The following ITGA11 variants were observed in gnomAD, a reference collection of about 807,000 sequenced individuals.
The protein encoded by ITGA11 is integrin alpha-11.
In ITGA11, 97 loss-of-function variants were observed where a neutral mutation model predicts 141.9. That is an observed-to-expected ratio of 0.68 (90% CI 0.58 to 0.81). The LOEUF (loss-of-function observed/expected upper bound fraction) is 0.81. Among genes scored for constraint, ITGA11 ranks in the 30% least tolerant of loss-of-function variants. The probability of loss-of-function intolerance (pLI) is 0.00; values close to 1 mark genes in which losing one functional copy is unlikely to be tolerated. For synonymous variants in ITGA11, 658 were observed against 624.6 expected (o/e 1.05, Z -0.80); for missense variants, 1,387 against 1,559.2 (o/e 0.89, Z 1.86).
chr15:68,329,260 A>G (rs1037233151), intron 15 of ITGA11, among the ~76,000 whole-genome samples: 1 of 152,212 alleles, frequency 6.6e-6, no homozygotes, highest in Non-Finnish European at 1.5e-5. Flanking sequence ...CTGTGTCAAC[A>G]TAGTGGGTTA....
chr15:68,331,937 G>T lies in ITGA11; in HGVS notation c.1692C>A (p.Ala564=), dbSNP rs1234326102. The T allele has an allele frequency of 6.2e-7, 1 of 1,613,382 alleles. No homozygotes were observed. Among genetic ancestry groups the T allele is most frequent in the African/African-American group, 1.3e-5 (1 of 74,866 alleles). ...QDSYNDVVVG[A]PLEDNHAGAI... ...CTCCTGCGTGGTTGTCCTCCAGGGG[G>T]GCTCCCACCACCACGTCATTGTAGG... is the stretch of plus-strand genomic sequence containing the variant. The change falls in exon 14 of 30, where the codon GCC becomes GCA. Residue 564 remains alanine, a synonymous_variant. Coordinates refer to ENST00000315757, the MANE Select transcript of ITGA11 (RefSeq NM_001004439.2).
At chr15:68,385,664 A>G (rs1895968360) in intron 2 of ITGA11, among the ~76,000 whole-genome samples, 1 of 152,160 alleles carries the variant, frequency 6.6e-6, no homozygotes, top group African/African-American at 2.4e-5. Flanking sequence ...ATGGTGGGTG[A>G]ACTGACCCTT....
Position 68,303,165 on chromosome 15 carries a change from G to T in ITGA11, c.3496-35C>A, listed in dbSNP as rs1893085259. The T allele has an allele frequency of 1.3e-6, 2 of 1,535,714 alleles. No individual in the cohort carries two copies. Among genetic ancestry groups the T allele is most frequent in the South Asian group, 1.2e-5 (1 of 83,508 alleles). ...GGCAAAGGGAGACGTCTCAGAGGAG[G>T]ACAGGGTGGGCAAGGCCTGCCCCAG... On this transcript the variant is annotated intron_variant, in intron 29 of 29. Coordinates refer to ENST00000315757, the MANE Select transcript of ITGA11 (RefSeq NM_001004439.2). The surrounding 1 kb of genome is among the most constrained non-coding windows in gnomAD (Gnocchi z 5.3).
chr15:68,396,811 T>C (rs973397482), intron 2 of ITGA11, among the ~76,000 whole-genome samples: 12 of 144,182 alleles, frequency 8.3e-5, no homozygotes, highest in African/African-American at 3.1e-4. Flanking sequence ...ATTTCATTTG[T>C]AATAGTATAA....
chr15:68,357,125 T>C, intron 7 of ITGA11, 26 bp downstream of exon 7: 2 of 1,591,886 alleles, frequency 1.3e-6, no homozygotes, highest in Non-Finnish European at 1.7e-6. Context: ...TCTAAAAAAA[T>C]TTTTTTTGTT....
rs1168148595 is a variant in ITGA11 at position 68,308,791 on chromosome 15, A to C, written c.3175-1095T>G. ...AAAAGAAAAGAAAAGAAAAGGGATT[A>C]GAGGACACTGAAGATGGAGCTTGCA... is the stretch of plus-strand genomic sequence containing the variant. On this transcript the variant is annotated intron_variant, in intron 26 of 29. Coordinates refer to ENST00000315757, the MANE Select transcript of ITGA11 (RefSeq NM_001004439.2). The surrounding 1 kb of genome is among the most constrained non-coding windows in gnomAD (Gnocchi z 5.2). Among the ~76,000 whole-genome samples the C allele has an allele frequency of 6.6e-6, 1 of 152,018 alleles. No homozygotes were observed.
Position 68,303,922 on chromosome 15 carries a change from C to A in ITGA11, c.3382-37G>T. On this transcript the variant is annotated intron_variant, in intron 28 of 29. Transcript: ENST00000315757. This position sits in a 1 kb window ranked among gnomAD's most constrained non-coding sequence, Gnocchi z 5.3. ...GGGGGGCCGGGCCAACAGCATTACTCTTCTGGGGCTGGGGTGGCAGTCTGG... is the reference window on the plus strand; with the variant it reads ...GGGGGGCCGGGCCAACAGCATTACTATTCTGGGGCTGGGGTGGCAGTCTGG... 2 of 1,410,048 alleles carry A rather than the reference C, an allele frequency of 1.4e-6. No homozygotes were observed. The highest frequency in any genetic ancestry group is 1.2e-5 in the South Asian group (1 of 85,382). The allele number at this position is 1,410,048 out of a possible 1,614,324, so 87.3% of individuals were successfully genotyped here. A position where few individuals can be genotyped will look rare whatever the true frequency, so the allele number is the denominator to read the frequency against.
chr15:68,320,228 A>G lies in ITGA11; in HGVS notation c.2573T>C (p.Ile858Thr). Residue 858 changes from isoleucine (I) to threonine (T), a missense_variant, in exon 20 of 30, where the codon ATC (isoleucine) becomes ACC (threonine). Ile to Thr is a moderately conservative substitution (Grantham distance 89, BLOSUM62 -1). Coordinates refer to ENST00000315757, the MANE Select transcript of ITGA11 (RefSeq NM_001004439.2). ...AAACTGCAGGTTTGCTGACTGCGAG[A>G]TATTTAGGACCGTGCTGTAGGCGTT... Reference protein sequence around the residue: ...GENAYSTVLNISQSANLQFAS... With the variant: ...GENAYSTVLNTSQSANLQFAS... The G allele has an allele frequency of 1.2e-6, 2 of 1,613,998 alleles. No homozygotes were observed. The highest frequency in any genetic ancestry group is 1.6e-4 in the Middle Eastern group (1 of 6,062).
At chr15:68,405,182 C>G (rs1019722158) in intron 1 of ITGA11, among the ~76,000 whole-genome samples, 13 of 33,016 alleles carry the variant, frequency 3.9e-4, no homozygotes, top group African/African-American at 1.5e-3. Flanking sequence ...TTTTGCTCAG[C>G]AAACACATAA....
chr15:68,420,807 A>G (rs1897000731), intron 1 of ITGA11, among the ~76,000 whole-genome samples: 1 of 152,232 alleles, frequency 6.6e-6, no homozygotes, highest in African/African-American at 2.4e-5. Context: ...ATTACATTCC[A>G]TCGGAGCAGG....
intron 1 of ITGA11, among the ~76,000 whole-genome samples, chr15:68,416,840 A>T (rs6494741): frequency 3.9e-5 from 6 of 151,994 alleles, no homozygotes; most frequent in Admixed American, 2.6e-4. Flanking sequence ...TGCTTGAACC[A>T]GGGAGGCAGA....
rs1402055605 is a variant in ITGA11 at position 68,311,023 on chromosome 15, C to T, written c.3145G>A (p.Glu1049Lys). The change falls in exon 26 of 30, where the codon GAG becomes AAG. Residue 1049 changes from glutamate to lysine, a missense_variant. Physicochemically the swap from Glu to Lys is moderately conservative, Grantham distance 56 (BLOSUM62 1). Coordinates refer to ENST00000315757, the MANE Select transcript of ITGA11 (RefSeq NM_001004439.2). ...TGTGGAGCACGACGCAAGTCTTCCT[C>T]CACTGGGGTGGGCCGGTACTCAGTG... is the stretch of plus-strand genomic sequence containing the variant. The part of the protein sequence containing the change: ...NSTEYRPTPV[E>K]EDLRRAPQLN... 5 of 1,606,496 alleles carry T rather than the reference C, an allele frequency of 3.1e-6. No homozygotes were observed. The South Asian group carries it at 3.4e-5, about 11-fold the overall frequency.
rs111776164 is a variant in ITGA11 at position 68,308,761 on chromosome 15, G to GAAAAGAAA, written c.3175-1066_3175-1065insTTTCTTTT. ...TGTCTCAAAAGAAAAGAAAAGAAAA[G>GAAAAGAAA]AAAGAAAAGAAAAGAAAAGAAAAGG... On this transcript the variant is annotated intron_variant, in intron 26 of 29. Coordinates refer to ENST00000315757, the MANE Select transcript of ITGA11 (RefSeq NM_001004439.2). This position sits in a 1 kb window ranked among gnomAD's most constrained non-coding sequence, Gnocchi z 5.2. Among the ~76,000 whole-genome samples, 1 of 137,670 alleles carries GAAAAGAAA rather than the reference G, an allele frequency of 7.3e-6. No homozygotes were observed. The highest frequency in any genetic ancestry group is 1.5e-5 in the Non-Finnish European group (1 of 64,830). 90.3% of individuals were successfully genotyped at this position (137,670 alleles called of 152,430 possible).
chr15:68,371,538 C>G (rs1224797874), intron 2 of ITGA11, among the ~76,000 whole-genome samples: 1 of 151,948 alleles, frequency 6.6e-6, no homozygotes, highest in Non-Finnish European at 1.5e-5. Context: ...CATGGTGAAA[C>G]CCCCGTCTGT....
intron 7 of ITGA11, among the ~76,000 whole-genome samples, chr15:68,351,828 G>A (rs1894920077): frequency 6.6e-6 from 1 of 152,094 alleles, no homozygotes; most frequent in South Asian, 2.1e-4. Context: ...CACGCCTGTA[G>A]TCCTAGCACT....
chr15:68,357,923 C>G (rs896330331), intron 6 of ITGA11, among the ~76,000 whole-genome samples: 1 of 152,166 alleles, frequency 6.6e-6, no homozygotes, highest in Non-Finnish European at 1.5e-5. Flanking sequence ...AAAGTCCACT[C>G]CCTTTTTAAC....
chr15:68,332,119 C>G, intron 13 of ITGA11, 57 bp from the exon 14 acceptor site: 1 of 1,433,006 alleles, frequency 7.0e-7, no homozygotes, highest in Non-Finnish European at 9.6e-7. Context: ...TCCTCAGGCT[C>G]ATAATTCCCT....
At chr15:68,339,241 T>C (rs1894477472) in intron 11 of ITGA11, among the ~76,000 whole-genome samples, 1 of 152,100 alleles carries the variant, frequency 6.6e-6, no homozygotes, top group African/African-American at 2.4e-5. Context: ...TGAAACACAT[T>C]GAAGGGAGTG....
At chr15:68,388,749 C>T (rs1467642878) in intron 2 of ITGA11, among the ~76,000 whole-genome samples, 3 of 152,168 alleles carry the variant, frequency 2.0e-5, no homozygotes, top group Non-Finnish European at 4.4e-5. Context: ...CTTGACTCCT[C>T]ACCTCCAGGG....
Sources: gnomAD v4.1 joint callset for allele counts (sites outside exome capture counted in the v4.1 genomes callset) on GRCh38, gnomAD v4.1.1 for gene constraint, Gnocchi (gnomAD v3.1) non-coding constraint, MANE v1.5 for transcripts, NCBI Gene and HGNC (gene_info 2026-07-23, HGNC 2026-07-21) for gene names.